KCNJ15: variants seen among roughly 807,000 people sequenced by gnomAD.
KCNJ15 encodes the protein ATP-sensitive inward rectifier potassium channel 15.
Under a neutral mutation model 23.0 loss-of-function variants are expected in KCNJ15, and 14 were observed. That is an observed-to-expected ratio of 0.61 (90% CI 0.40 to 0.95). The LOEUF (loss-of-function observed/expected upper bound fraction) is 0.95. Ranked by LOEUF, KCNJ15 falls within the 40% of genes least tolerant of loss-of-function variation. KCNJ15 has a pLI of 0.00. For missense variants in KCNJ15, 388 were observed against 461.8 expected (o/e 0.84, Z 1.46); for synonymous variants, 185 against 183.2 (o/e 1.01, Z -0.08).
At chr21:38,240,039 G>T (rs1978881261) in intron 1 of KCNJ15, among the ~76,000 whole-genome samples, 1 of 152,142 alleles carries the variant, frequency 6.6e-6, no homozygotes, top group Non-Finnish European at 1.5e-5. Flanking sequence ...TGGAGTGTAT[G>T]CCCTATTTTT....
intron 1 of KCNJ15, among the ~76,000 whole-genome samples, chr21:38,291,382 T>C (rs1030513399): frequency 6.6e-6 from 1 of 152,226 alleles, no homozygotes; most frequent in African/African-American, 2.4e-5. Context: ...AGCAATTTTC[T>C]ACTACCTGTT....
In KCNJ15 at chr21:38,251,405, T is replaced by C. The variant is rs143671413; in HGVS notation, c.-398-5641T>C. On this transcript the variant is annotated intron_variant, in intron 1 of 4. Coordinates refer to the KCNJ15 transcript ENST00000547341. ...ATCACCGTTGGGTTCATGTCAGTGG[T>C]TGTTTCACAGTTTCTCAATTCTGAA... is the stretch of plus-strand genomic sequence containing the variant. Among the ~76,000 whole-genome samples the C allele has an allele frequency of 2.6e-5, 4 of 152,318 alleles. No individual in the cohort carries two copies. The East Asian group carries it at 7.7e-4, about 29-fold the overall frequency.
rs952760784 is a variant in KCNJ15 at position 38,303,598 on chromosome 21, C to T, written c.*3209C>T. The T allele has an allele frequency of 2.6e-5, 4 of 151,794 alleles. No individual in the cohort carries two copies. Among genetic ancestry groups the T allele is most frequent in the African/African-American group, 7.3e-5 (3 of 41,310 alleles). 9.4% of individuals were successfully genotyped at this position (151,794 alleles called of 1,614,324 possible). A position where few individuals can be genotyped will look rare whatever the true frequency, so the allele number is the denominator to read the frequency against. ...TCATCCTGGGGAAATTACAACACAA[C>T]GCAGAGTGTCCAGAAATCTAAAGAG... On this transcript the variant is annotated 3_prime_UTR_variant, in exon 3 of 3. Transcript: ENST00000398938.
At chr21:38,254,622 G>T (rs554995899), upstream of KCNJ15, among the ~76,000 whole-genome samples, 3 of 152,220 alleles carry the variant, frequency 2.0e-5, no homozygotes, top group South Asian at 6.2e-4. Context: ...CAAAATATAA[G>T]AATTTAAGAA....
intron 1 of KCNJ15, among the ~76,000 whole-genome samples, chr21:38,295,172 C>G (rs142379933): frequency 6.6e-6 from 1 of 152,138 alleles, no homozygotes; most frequent in Non-Finnish European, 1.5e-5. Flanking sequence ...TTTCATATCA[C>G]TCTAGTATAT....
At chr21:38,276,245 C>A (rs552413386) in intron 1 of KCNJ15, among the ~76,000 whole-genome samples, 1 of 151,880 alleles carries the variant, frequency 6.6e-6, no homozygotes, top group South Asian at 2.1e-4. Flanking sequence ...TCAAAGACCA[C>A]AGTAGTATAA....
chr21:38,276,458 A>G (rs1357383064), intron 1 of KCNJ15, among the ~76,000 whole-genome samples: 1 of 152,038 alleles, frequency 6.6e-6, no homozygotes, highest in Non-Finnish European at 1.5e-5. Flanking sequence ...CACCCATTCT[A>G]TGTTTTATTT....
In KCNJ15 at chr21:38,299,610, G is replaced by A. The variant is rs1639115539; in HGVS notation, c.349G>A (p.Ala117Thr). ...CIMKVDSLTG[A>T]FLFSLESQTT... ...CATGAAAGTGGACTCTCTCACTGGG[G>A]CGTTTCTCTTTTCCCTGGAATCCCA... Residue 117 changes from alanine to threonine, a missense_variant, in exon 3 of 3, where the codon GCG becomes ACG. By Grantham distance (58) the Ala-to-Thr change is moderately conservative. Transcript: ENST00000398938. This position sits in a 1 kb window ranked among gnomAD's most constrained non-coding sequence, Gnocchi z 4.5. 6.2e-7 allele frequency: 1 copy of A among 1,614,106 alleles called. No individual in the cohort carries two copies. Among genetic ancestry groups the A allele is most frequent in the South Asian group, 1.1e-5 (1 of 91,076 alleles).
intron 1 of KCNJ15, among the ~76,000 whole-genome samples, chr21:38,287,178 C>T (rs527528255): frequency 1.3e-5 from 2 of 152,274 alleles, no homozygotes; most frequent in African/African-American, 4.8e-5. Flanking sequence ...GTTAAGAGCC[C>T]CTGAGCTAAT....
chr21:38,259,468 C>A (rs1980656628), intron 1 of KCNJ15, among the ~76,000 whole-genome samples: 1 of 152,172 alleles, frequency 6.6e-6, no homozygotes, highest in Non-Finnish European at 1.5e-5. Flanking sequence ...GCAATTCAAG[C>A]ATTGCACCCC....
In KCNJ15 at chr21:38,306,678, C is replaced by G. The variant is rs1259594765; in HGVS notation, c.*6289C>G. The stretch of plus-strand genomic sequence containing the variant: ...CACAAAAGGAAGCTGTGTTTGTGTA[C>G]TGACACGAAGTGTTACGTAGCAGCC... On this transcript the variant is annotated 3_prime_UTR_variant, in exon 3 of 3. Coordinates refer to ENST00000398938, the MANE Select transcript of KCNJ15 (RefSeq NM_170736.3). The G allele has an allele frequency of 1.3e-5, 2 of 152,186 alleles. No individual in the cohort carries two copies. Among genetic ancestry groups the G allele is most frequent in the African/African-American group, 4.8e-5 (2 of 41,432 alleles). 9.4% of individuals were successfully genotyped at this position (152,186 alleles called of 1,614,324 possible).
At chr21:38,286,426 T>TGA (rs1349875039) in intron 1 of KCNJ15, among the ~76,000 whole-genome samples, 1 of 152,242 alleles carries the variant, frequency 6.6e-6, no homozygotes, top group East Asian at 1.9e-4. Context: ...TAGAAGATGT[T>TGA]GGAATGTCTC....
At chr21:38,290,995 A>AACACACAC (rs57018976) in intron 1 of KCNJ15, among the ~76,000 whole-genome samples, 56 of 127,264 alleles carry the variant, frequency 4.4e-4, no homozygotes, top group African/African-American at 1.5e-3. Flanking sequence ...AAAAAGGCTA[A>AACACACAC]ACACACACAC....
intron 1 of KCNJ15, among the ~76,000 whole-genome samples, chr21:38,293,206 A>G (rs1984799233): frequency 1.3e-5 from 2 of 152,192 alleles, no homozygotes; most frequent in Admixed American, 1.3e-4. Context: ...ATTATGGCTC[A>G]GTTCCAAGTT....
rs1283838681 is a variant in KCNJ15 at position 38,305,091 on chromosome 21, A to G, written c.*4702A>G. The G allele has an allele frequency of 6.7e-6, 1 of 150,136 alleles. No homozygotes were observed. Among genetic ancestry groups the G allele is most frequent in the Non-Finnish European group, 1.5e-5 (1 of 67,916 alleles). The allele number at this position is 150,136 out of a possible 1,614,324, so 9.3% of individuals were successfully genotyped here. A position where few individuals can be genotyped will look rare whatever the true frequency, so the allele number is the denominator to read the frequency against. On this transcript the variant is annotated 3_prime_UTR_variant, in exon 3 of 3. Coordinates refer to ENST00000398938, the MANE Select transcript of KCNJ15 (RefSeq NM_170736.3). ...GTAAAACTCCGTCTCAAAAAAAAAA[A>G]AAAAAAGAAAAAGAAAAAGAAAAGA...
At chr21:38,273,930 C>T (rs991284165) in intron 1 of KCNJ15, among the ~76,000 whole-genome samples, 38 of 152,250 alleles carry the variant, frequency 2.5e-4, no homozygotes, top group African/African-American at 8.9e-4. Context: ...TAGACAGCAG[C>T]GTCAGTAGGC....
intron 1 of KCNJ15, among the ~76,000 whole-genome samples, chr21:38,279,828 G>C (rs576447992): frequency 3.9e-5 from 6 of 152,198 alleles, no homozygotes; most frequent in Non-Finnish European, 8.8e-5. Context: ...TAACTCCATG[G>C]GTTTTATTAC....
chr21:38,272,579 G>A (rs1000942672), intron 1 of KCNJ15: 2 of 152,220 alleles, frequency 1.3e-5, no homozygotes, highest in Non-Finnish European at 2.9e-5. Context: ...TAGGATGCTT[G>A]TAGCTGATCA....
At chr21:38,298,393 A>G (rs1170131325) in intron 2 of KCNJ15, 1 of 152,236 alleles carries the variant, frequency 6.6e-6, no homozygotes, top group Admixed American at 6.5e-5. Context: ...AGTAAGGTAG[A>G]ATTTTGGTGC....
Sources: allele counts gnomAD v4.1 joint callset (sites outside exome capture counted in the v4.1 genomes callset), GRCh38; gene constraint gnomAD v4.1.1; non-coding constraint Gnocchi (gnomAD v3.1); transcripts MANE v1.5; gene names NCBI Gene and HGNC (gene_info 2026-07-23, HGNC 2026-07-21).